The following BLTP1 variants were observed in gnomAD, a reference collection of about 807,000 sequenced individuals.
The protein encoded by BLTP1 is fragile site-associated protein.
the BLTP1 span, chr4:122,281,479 A>G: frequency 6.9e-7 from 1 of 1,447,250 alleles, no homozygotes; most frequent in South Asian, 1.6e-5. Flanking sequence ...GTGATTTTCT[A>G]CAATAAAATG....
chr4:122,319,046 A>G, the BLTP1 span, among the ~76,000 whole-genome samples: 2 of 152,140 alleles, frequency 1.3e-5, no homozygotes, highest in African/African-American at 4.8e-5. Flanking sequence ...TGTATTCTTT[A>G]AATAGCCATA....
At chr4:122,333,560 A>T in the BLTP1 span, 1 of 1,474,510 alleles carries the variant, frequency 6.8e-7, no homozygotes, top group African/African-American at 1.4e-5. Flanking sequence ...GGTTGCGAAA[A>T]GTTTGCTTTT....
the BLTP1 span, chr4:122,291,824 A>G: frequency 2.0e-6 from 2 of 978,918 alleles, no homozygotes; most frequent in Non-Finnish European, 2.4e-6. Context: ...AGCTAAAATT[A>G]TTGTTTAGTA....
the BLTP1 span, chr4:122,316,783 C>A: frequency 6.2e-7 from 1 of 1,613,230 alleles, no homozygotes; most frequent in Non-Finnish European, 8.5e-7. Context: ...GCCGGGAGAA[C>A]TTAGAGGAAG....
the BLTP1 span, among the ~76,000 whole-genome samples, chr4:122,171,296 G>A: frequency 0.38 from 57,939 of 151,944 alleles, 11,091 homozygotes; most frequent in Middle Eastern, 0.58. Context: ...GAATGAATGA[G>A]TGAATATGAA....
the BLTP1 span, chr4:122,200,206 T>A: frequency 1.0e-6 from 1 of 978,390 alleles, no homozygotes; most frequent in Non-Finnish European, 1.2e-6. Flanking sequence ...AGTATTTTAA[T>A]GAATTCTTCA....
chr4:122,271,101 A>G, the BLTP1 span: 1 of 1,613,918 alleles, frequency 6.2e-7, no homozygotes, highest in Non-Finnish European at 8.5e-7. Context: ...GTTGTAATGG[A>G]AAAGTCCGTG....
the BLTP1 span, chr4:122,194,640 T>C: frequency 1.4e-5 from 14 of 974,834 alleles, no homozygotes; most frequent in Non-Finnish European, 1.6e-5. Context: ...ATGAAAATAA[T>C]GCTTTAACAT....
the BLTP1 span, chr4:122,167,788 C>A: frequency 4.1e-6 from 4 of 985,314 alleles, no homozygotes; most frequent in Non-Finnish European, 4.8e-6. Context: ...TTTCTCTCTT[C>A]CCCATGTGCA....
chr4:122,339,171 A>C, the BLTP1 span: 1 of 1,593,584 alleles, frequency 6.3e-7, no homozygotes, highest in Non-Finnish European at 8.6e-7. Flanking sequence ...TCTTTTATCC[A>C]GTTCCTAGAA....
At chr4:122,229,022 ATAAC>A in the BLTP1 span, 1 of 1,002,388 alleles carries the variant, frequency 1.0e-6, no homozygotes, top group Non-Finnish European at 1.4e-6. Context: ...AAATACATCA[ATAAC>A]TAGATTTTTT....
the BLTP1 span, chr4:122,341,703 A>G: frequency 6.1e-6 from 6 of 984,910 alleles, no homozygotes. Flanking sequence ...ATTCTTTCAA[A>G]GGATCTTTAC....
chr4:122,287,614 A>T, the BLTP1 span: 1 of 985,058 alleles, frequency 1.0e-6, no homozygotes, highest in African/African-American at 1.7e-5. Flanking sequence ...TGTTTTATAA[A>T]TTTTGTTCTC....
the BLTP1 span, chr4:122,219,436 A>G: frequency 8.1e-6 from 13 of 1,614,122 alleles, no homozygotes; most frequent in Non-Finnish European, 1.1e-5. Context: ...CTCTGGGTGG[A>G]CTGCTGTTGG....
chr4:122,319,078 C>T, the BLTP1 span, among the ~76,000 whole-genome samples: 1 of 152,128 alleles, frequency 6.6e-6, no homozygotes, highest in Middle Eastern at 3.4e-3. Context: ...TGTATACCCT[C>T]CTTTATTGCT....
the BLTP1 span, among the ~76,000 whole-genome samples, chr4:122,160,045 A>G: frequency 6.6e-6 from 1 of 152,212 alleles, no homozygotes; most frequent in Non-Finnish European, 1.5e-5. Flanking sequence ...CTGCTTGAAT[A>G]AACAGAATAG....
At chr4:122,154,013 C>T in the BLTP1 span, 1 of 984,990 alleles carries the variant, frequency 1.0e-6, no homozygotes, top group Non-Finnish European at 1.2e-6. Flanking sequence ...GTTAAAATGC[C>T]ATACTTTTCA....
the BLTP1 span, chr4:122,316,255 T>G: frequency 1.4e-5 from 5 of 357,650 alleles, no homozygotes; most frequent in Non-Finnish European, 1.7e-5. Context: ...TTTTTAAAAA[T>G]TATTTTCAAT....
the BLTP1 span, among the ~76,000 whole-genome samples, chr4:122,202,337 C>T: frequency 6.6e-6 from 1 of 152,116 alleles, no homozygotes; most frequent in Non-Finnish European, 1.5e-5. Context: ...TATTATGTGT[C>T]TGGCTCTGTC....
Sources: gnomAD v4.1 joint callset for allele counts (sites outside exome capture counted in the v4.1 genomes callset) on GRCh38, gnomAD v4.1.1 for gene constraint, MANE v1.5 for transcripts, NCBI Gene and HGNC (gene_info 2026-07-23, HGNC 2026-07-21) for gene names.